Variants in HSF2BP observed in about 807,000 individuals in gnomAD.
HSF2BP encodes the protein heat shock factor 2-binding protein.
In HSF2BP, 35 loss-of-function variants were observed where a neutral mutation model predicts 35.0. The ratio of observed to expected loss-of-function variants is 1.00; its 90% CI spans 0.76 to 1.32. HSF2BP has a LOEUF of 1.32. Among genes scored for constraint, HSF2BP ranks in the 40% most tolerant of loss-of-function variants. The probability of loss-of-function intolerance (pLI) is 0.00; values close to 1 mark genes in which losing one functional copy is unlikely to be tolerated. For missense variants in HSF2BP, 326 were observed against 321.7 expected (o/e 1.01, Z -0.10); for synonymous variants, 114 against 117.4 (o/e 0.97, Z 0.18).
chr21:43,599,922 A>C (rs1360106750), intron 7 of HSF2BP, among the ~76,000 whole-genome samples: 1 of 151,972 alleles, frequency 6.6e-6, no homozygotes, highest in Non-Finnish European at 1.5e-5. Flanking sequence ...ACCTCAGCAG[A>C]AAACCTGTTA....
intron 8 of HSF2BP, among the ~76,000 whole-genome samples, chr21:43,574,835 G>A (rs1568877948): frequency 6.6e-6 from 1 of 150,776 alleles, no homozygotes; most frequent in Non-Finnish European, 1.5e-5. Context: ...CAGCCTCCTT[G>A]GGACGGGGGT....
At chr21:43,584,140 T>G (rs908182978) in intron 8 of HSF2BP, among the ~76,000 whole-genome samples, 1 of 125,734 alleles carries the variant, frequency 8.0e-6, no homozygotes, top group Non-Finnish European at 1.6e-5. Context: ...CCGAAGGAGA[T>G]GAAGGGCCTG....
At chr21:43,585,295 G>A (rs2081834579) in intron 8 of HSF2BP, among the ~76,000 whole-genome samples, 1 of 152,140 alleles carries the variant, frequency 6.6e-6, no homozygotes. Flanking sequence ...AGGTGACACT[G>A]CAAGACACTG....
At chr21:43,576,907 A>C (rs192329611) in intron 8 of HSF2BP, among the ~76,000 whole-genome samples, 3 of 152,324 alleles carry the variant, frequency 2.0e-5, no homozygotes, top group Admixed American at 1.3e-4. Flanking sequence ...TGTCATTTTC[A>C]TTGGTCTAAA....
intron 3 of HSF2BP, among the ~76,000 whole-genome samples, chr21:43,646,146 T>TAAA (rs528851853): frequency 7.7e-6 from 1 of 129,696 alleles, no homozygotes. Context: ...TCCCATCTCT[T>TAAA]AAAAAAAAAA....
chr21:43,626,962 G>C (rs1326739239), intron 6 of HSF2BP, among the ~76,000 whole-genome samples: 1 of 152,016 alleles, frequency 6.6e-6, no homozygotes, highest in South Asian at 2.1e-4. Context: ...CCACCTCCCA[G>C]GTTCAAGCAA....
chr21:43,618,942 C>G (rs2146946381), intron 6 of HSF2BP, among the ~76,000 whole-genome samples: 1 of 149,778 alleles, frequency 6.7e-6, no homozygotes, highest in African/African-American at 2.5e-5. Flanking sequence ...AAGACTCCGT[C>G]TCAAAAAAAG....
At chr21:43,642,789 T>C (rs2147074670) in intron 4 of HSF2BP, among the ~76,000 whole-genome samples, 1 of 131,184 alleles carries the variant, frequency 7.6e-6, no homozygotes. Flanking sequence ...TGGAATGGCT[T>C]CTTTTCTTTT....
chr21:43,577,998 A>C (rs1568880764), intron 8 of HSF2BP, among the ~76,000 whole-genome samples: 1 of 152,242 alleles, frequency 6.6e-6, no homozygotes, highest in South Asian at 2.1e-4. Context: ...TCCCAAACCT[A>C]TAAGAACTAA....
At chr21:43,611,606 CAGG>C (rs1231227518) in intron 7 of HSF2BP, among the ~76,000 whole-genome samples, 4 of 152,296 alleles carry the variant, frequency 2.6e-5, no homozygotes, top group Admixed American at 6.5e-5. Flanking sequence ...CAGAGAGCAC[CAGG>C]AGAAGGTCTC....
chr21:43,645,151 T>C (rs2082691631), intron 3 of HSF2BP, among the ~76,000 whole-genome samples: 1 of 152,238 alleles, frequency 6.6e-6, no homozygotes, highest in African/African-American at 2.4e-5. Flanking sequence ...TATGCCAACA[T>C]ATACCAAGAT....
rs943822570 is a variant in HSF2BP, at chr21:43,572,391, A to G, written c.796+19834T>C. Among the ~76,000 whole-genome samples, 5 of 152,304 alleles carry G rather than the reference A, an allele frequency of 3.3e-5. No homozygotes were observed. The East Asian group carries it at 9.6e-4, about 29-fold the overall frequency. Reference sequence around the variant, plus strand: ...AGACGTGACTGCCCGGAGAACATGTAAGCTTGGAGAAGTGGCCTGCTGTGG... The same window carrying G: ...AGACGTGACTGCCCGGAGAACATGTGAGCTTGGAGAAGTGGCCTGCTGTGG... On this transcript the variant is annotated intron_variant, in intron 8 of 8. Coordinates refer to ENST00000291560, the MANE Select transcript of HSF2BP (RefSeq NM_007031.2).
At chr21:43,599,867 C>CA (rs11379827) in intron 7 of HSF2BP, among the ~76,000 whole-genome samples, 82,332 of 132,420 alleles carry the variant, frequency 0.62, 24,927 homozygotes, top group East Asian at 0.79. Context: ...CTTCCAATGA[C>CA]AAAAAAAAAA....
chr21:43,623,637 C>G (rs17004591), intron 6 of HSF2BP, among the ~76,000 whole-genome samples: 6,751 of 152,192 alleles, frequency 0.044, 267 homozygotes, highest in East Asian at 0.092. Context: ...CTTAAAAGTA[C>G]AGAGTCAATA....
At chr21:43,653,050 G>A (rs556306376) in intron 3 of HSF2BP, among the ~76,000 whole-genome samples, 21 of 152,078 alleles carry the variant, frequency 1.4e-4, no homozygotes, top group East Asian at 9.7e-4. Context: ...CAAGAGAATC[G>A]CTTGAACCCA....
chr21:43,579,396 A>G (rs1439053496), intron 8 of HSF2BP, among the ~76,000 whole-genome samples: 1 of 152,256 alleles, frequency 6.6e-6, no homozygotes, highest in Non-Finnish European at 1.5e-5. Flanking sequence ...ATATTTTAGT[A>G]GCCTACTTTG....
At chr21:43,573,582 T>C (rs559354029) in intron 8 of HSF2BP, among the ~76,000 whole-genome samples, 2 of 152,278 alleles carry the variant, frequency 1.3e-5, no homozygotes, top group South Asian at 4.1e-4. Context: ...TAAATGCAGA[T>C]CAAACACTGC....
chr21:43,640,052 A>G (rs1326873856), intron 4 of HSF2BP, among the ~76,000 whole-genome samples: 4 of 152,226 alleles, frequency 2.6e-5, no homozygotes, highest in Non-Finnish European at 5.9e-5. Flanking sequence ...CTGTAATCCC[A>G]GCACTTTGGG....
At chr21:43,581,604 G>A (rs376310674) in intron 8 of HSF2BP, among the ~76,000 whole-genome samples, 131 of 152,206 alleles carry the variant, frequency 8.6e-4, no homozygotes, top group African/African-American at 3.0e-3. Context: ...CCAGGAACAC[G>A]GCCACAGGCA....
Sources: gnomAD v4.1 joint callset for allele counts (sites outside exome capture counted in the v4.1 genomes callset) on GRCh38, gnomAD v4.1.1 for gene constraint, MANE v1.5 for transcripts, NCBI Gene and HGNC (gene_info 2026-07-23, HGNC 2026-07-21) for gene names.